The following BRINP3 variants were observed in gnomAD, a reference collection of about 807,000 sequenced individuals.
BRINP3 encodes BMP/retinoic acid-inducible neural-specific protein 3.
BRINP3 carries 19 observed loss-of-function variants against 71.0 expected under a neutral mutation model. The ratio of observed to expected loss-of-function variants is 0.27; its 90% confidence interval spans 0.19 to 0.39. The LOEUF (loss-of-function observed/expected upper bound fraction) is 0.39. Among genes scored for constraint, BRINP3 ranks in the 10% least tolerant of loss-of-function variants. The pLI is 1.00. For missense variants in BRINP3, 959 were observed against 940.8 expected (o/e 1.02, Z -0.25); for synonymous variants, 380 against 337.7 (o/e 1.13, Z -1.37).
At chr1:190,103,456 G>C (rs1337038114) in intron 7 of BRINP3, among the ~76,000 whole-genome samples, 1 of 152,030 alleles carries the variant, frequency 6.6e-6, no homozygotes, top group Non-Finnish European at 1.5e-5. Context: ...TGTTAGGTAT[G>C]ATTGGTGAAC....
chr1:190,178,196 G>T (rs1652720242), intron 6 of BRINP3, among the ~76,000 whole-genome samples: 1 of 151,954 alleles, frequency 6.6e-6, no homozygotes, highest in African/African-American at 2.4e-5. Flanking sequence ...TTTTCCCAAG[G>T]GTTTTGTACG....
chr1:190,238,948 A>G (rs1255302980), intron 4 of BRINP3, among the ~76,000 whole-genome samples: 6 of 152,198 alleles, frequency 3.9e-5, no homozygotes, highest in African/African-American at 1.4e-4. Context: ...GGTTTAATCG[A>G]CTTGCAGTTC....
chr1:190,209,621 T>C (rs911536944), intron 6 of BRINP3, among the ~76,000 whole-genome samples: 6 of 152,182 alleles, frequency 3.9e-5, no homozygotes, highest in African/African-American at 1.4e-4. Flanking sequence ...CAATTTCATT[T>C]GACGTTCATA....
At chr1:190,353,586 T>C (rs1211860687) in intron 2 of BRINP3, among the ~76,000 whole-genome samples, 1 of 152,044 alleles carries the variant, frequency 6.6e-6, no homozygotes, top group African/African-American at 2.4e-5. Flanking sequence ...CTATCAAAGT[T>C]TCTTGATTAT....
At chr1:190,455,413 G>A (rs1332446364) in intron 1 of BRINP3, among the ~76,000 whole-genome samples, 1 of 151,968 alleles carries the variant, frequency 6.6e-6, no homozygotes, top group Non-Finnish European at 1.5e-5. Context: ...CATAAACACG[G>A]AGTAAAACTG....
intron 6 of BRINP3, among the ~76,000 whole-genome samples, chr1:190,223,106 A>G (rs937916856): frequency 6.6e-6 from 1 of 152,016 alleles, no homozygotes; most frequent in Non-Finnish European, 1.5e-5. Flanking sequence ...AGAAGAACCA[A>G]TATCAGTTCT....
chr1:190,168,581 A>T (rs1415187647), intron 6 of BRINP3, among the ~76,000 whole-genome samples: 1 of 152,234 alleles, frequency 6.6e-6, no homozygotes, highest in Non-Finnish European at 1.5e-5. Flanking sequence ...CATTGACTTC[A>T]TAAGCTATTA....
At chr1:190,368,779 A>T (rs1031415839) in intron 2 of BRINP3, among the ~76,000 whole-genome samples, 2 of 152,108 alleles carry the variant, frequency 1.3e-5, no homozygotes, top group Admixed American at 1.3e-4. Context: ...CAGGAATCAG[A>T]CCTTAGTTAT....
chr1:190,355,792 G>A (rs1386813106), intron 2 of BRINP3, among the ~76,000 whole-genome samples: 5 of 151,824 alleles, frequency 3.3e-5, no homozygotes, highest in African/African-American at 1.2e-4. Context: ...TGCTCCTCCT[G>A]CATAACATGC....
chr1:190,100,762 T>C (rs1435271597), intron 7 of BRINP3, among the ~76,000 whole-genome samples: 4 of 152,178 alleles, frequency 2.6e-5, no homozygotes, highest in Non-Finnish European at 5.9e-5. Flanking sequence ...AAGCCAACCA[T>C]AAAACATTTT....
chr1:190,178,922 T>G (rs995223527), intron 6 of BRINP3, among the ~76,000 whole-genome samples: 3 of 152,124 alleles, frequency 2.0e-5, no homozygotes, highest in Non-Finnish European at 4.4e-5. Flanking sequence ...TTTCCATGAA[T>G]GAAATTTGAT....
chr1:190,356,845 A>G (rs1441010177), intron 2 of BRINP3, among the ~76,000 whole-genome samples: 1 of 152,036 alleles, frequency 6.6e-6, no homozygotes, highest in African/African-American at 2.4e-5. Context: ...ATGAAAAGTA[A>G]TCTCTCATTC....
chr1:190,179,721 A>G (rs1460482588), intron 6 of BRINP3, among the ~76,000 whole-genome samples: 1 of 152,172 alleles, frequency 6.6e-6, no homozygotes, highest in East Asian at 1.9e-4. Context: ...AGTAAAATGC[A>G]TCTGCTGTGG....
chr1:190,301,204 CATATATATATATATATATAT>C (rs369121473), intron 2 of BRINP3, among the ~76,000 whole-genome samples: 1,816 of 106,352 alleles, frequency 0.017, 99 homozygotes, highest in African/African-American at 0.064. Context: ...TATACACATA[CATATATATATATATATATAT>C]ATATATATAT....
chr1:190,154,840 T>G (rs1436579681), intron 7 of BRINP3, among the ~76,000 whole-genome samples: 1 of 152,158 alleles, frequency 6.6e-6, no homozygotes, highest in Non-Finnish European at 1.5e-5. Context: ...AAACCATTTT[T>G]ACTTGACATA....
intron 2 of BRINP3, among the ~76,000 whole-genome samples, chr1:190,352,056 C>T (rs1398897540): frequency 2.0e-5 from 3 of 151,618 alleles, no homozygotes; most frequent in Non-Finnish European, 2.9e-5. Flanking sequence ...ACATAATATA[C>T]CCAATAATAA....
chr1:190,258,783 G>A (rs1397206842), intron 4 of BRINP3, among the ~76,000 whole-genome samples: 1 of 152,154 alleles, frequency 6.6e-6, no homozygotes, highest in African/African-American at 2.4e-5. Flanking sequence ...GAAGGGCCAA[G>A]CCTGGATAGA....
chr1:190,428,365 T>C (rs914712679), intron 2 of BRINP3, among the ~76,000 whole-genome samples: 1 of 152,066 alleles, frequency 6.6e-6, no homozygotes, highest in Non-Finnish European at 1.5e-5. Flanking sequence ...TTTTAGTTTT[T>C]ATTCAGGAAA....
intron 3 of BRINP3, among the ~76,000 whole-genome samples, chr1:190,266,699 G>C (rs956913131): frequency 1.3e-5 from 2 of 152,102 alleles, no homozygotes; most frequent in Non-Finnish European, 2.9e-5. Context: ...AATGACCAAT[G>C]AATCAGAAAA....
Sources: allele counts gnomAD v4.1 joint callset (sites outside exome capture counted in the v4.1 genomes callset), GRCh38; gene constraint gnomAD v4.1.1; transcripts MANE v1.5; gene names NCBI Gene and HGNC (gene_info 2026-07-23, HGNC 2026-07-21).